The following HAVCR1 variants were observed in gnomAD, a reference collection of about 807,000 sequenced individuals.
The protein encoded by HAVCR1 is T cell immunoglobin domain and mucin domain protein 1.
Under a neutral mutation model 32.0 loss-of-function variants are expected in HAVCR1, and 34 were observed. That is an observed-to-expected ratio of 1.06 (90% CI 0.81 to 1.42). The LOEUF (loss-of-function observed/expected upper bound fraction) is 1.42. Ranked by LOEUF, HAVCR1 falls within the 40% of genes most tolerant of loss-of-function variation. HAVCR1 has a pLI of 0.00. For synonymous variants in HAVCR1, 178 were observed against 170.3 expected (o/e 1.05, Z -0.35); for missense variants, 420 against 442.3 (o/e 0.95, Z 0.45).
chr5:157,057,449 AAGAAAGAAAGAAAG>A (rs1260328476), intron 2 of HAVCR1, among the ~76,000 whole-genome samples: 4 of 114,964 alleles, frequency 3.5e-5, no homozygotes, highest in East Asian at 2.5e-4. Context: ...GAAAGAAAGA[AAGAAAGAAAGAAAG>A]AGAATTGAAT....
At chr5:157,038,591 A>C (rs1443273452) in intron 6 of HAVCR1, among the ~76,000 whole-genome samples, 8 of 152,168 alleles carry the variant, frequency 5.3e-5, no homozygotes, top group African/African-American at 1.9e-4. Flanking sequence ...CCTGATAAAC[A>C]CTATGAATAT....
chr5:157,040,952 T>G (rs1754854254), intron 6 of HAVCR1, among the ~76,000 whole-genome samples: 1 of 152,152 alleles, frequency 6.6e-6, no homozygotes, highest in African/African-American at 2.4e-5. Flanking sequence ...AGAAGGATTA[T>G]TCTCATAACC....
chr5:157,068,970 A>G, the HAVCR1 span, among the ~76,000 whole-genome samples: 1 of 152,160 alleles, frequency 6.6e-6, no homozygotes, highest in Non-Finnish European at 1.5e-5. Context: ...ACACATTTCC[A>G]TATTATTACA....
intron 5 of HAVCR1, among the ~76,000 whole-genome samples, chr5:157,044,615 G>GAAAGAAAGAGAAAGAAAGAAAGAAAGAA (rs760337335): frequency 3.8e-5 from 2 of 52,656 alleles, no homozygotes; most frequent in Non-Finnish European, 7.8e-5. Flanking sequence ...AAGAAAGAAA[G>GAAAGAAAGAGAAAGAAAGAAAGAAAGAA]AGAAAGAAAG....
chr5:157,043,795 AT>A (rs1755062887), intron 5 of HAVCR1, among the ~76,000 whole-genome samples: 1 of 152,172 alleles, frequency 6.6e-6, no homozygotes, highest in Admixed American at 6.5e-5. Flanking sequence ...CCTTAATCCC[AT>A]TTTTATGGAT....
chr5:157,031,562 G>A (rs915990627), intron 8 of HAVCR1, among the ~76,000 whole-genome samples: 13 of 152,122 alleles, frequency 8.5e-5, no homozygotes, highest in East Asian at 1.9e-4. Flanking sequence ...GGTCCCTCAC[G>A]CCTATAATCC....
At chr5:157,056,396 T>TC (rs1756146778) in intron 2 of HAVCR1, among the ~76,000 whole-genome samples, 1 of 151,766 alleles carries the variant, frequency 6.6e-6, no homozygotes, top group African/African-American at 2.4e-5. Flanking sequence ...TTTTTTTTTT[T>TC]TGAGACAGAG....
At chr5:157,063,973 G>T (rs1184468549), upstream of HAVCR1, among the ~76,000 whole-genome samples, 1 of 152,222 alleles carries the variant, frequency 6.6e-6, no homozygotes, top group Non-Finnish European at 1.5e-5. Flanking sequence ...GAGGGACAGG[G>T]ATCACAGAGG....
intron 5 of HAVCR1, among the ~76,000 whole-genome samples, chr5:157,044,481 AAGGAAGGAAGGAAGGAAGGAAGGAAGG>A (rs1204429431): frequency 1.7e-5 from 1 of 57,158 alleles, no homozygotes; most frequent in Non-Finnish European, 3.5e-5. Flanking sequence ...GGAAGGAAGG[AAGGAAGGAAGGAAGGAAGGAAGGAAGG>A]AGGAAGGAAG....
intron 7 of HAVCR1, among the ~76,000 whole-genome samples, chr5:157,035,450 C>T (rs1307881466): frequency 6.6e-6 from 1 of 151,594 alleles, no homozygotes; most frequent in African/African-American, 2.4e-5. Flanking sequence ...CTGAGACAAA[C>T]ACACACACAC....
At chr5:157,066,806 G>C in the HAVCR1 span, among the ~76,000 whole-genome samples, 54 of 152,290 alleles carry the variant, frequency 3.5e-4, no homozygotes, top group African/African-American at 1.2e-3. Flanking sequence ...AGCAGTAAGG[G>C]CCGGGCACGG....
At position 157,044,468 on chromosome 5, in the gene HAVCR1, AAAGGAAGG is replaced by A. The variant is rs201451883; in HGVS notation, c.782-1794_782-1787del. On this transcript the variant is annotated intron_variant, in intron 5 of 8. Transcript: ENST00000523175. Reference sequence around the variant, plus strand: ...GAAAGAAAGAAAGAAAGAAAGAAAGAAAGGAAGGAAGGAAGGAAGGAAGGAAGGAAGGA... The same window carrying A: ...GAAAGAAAGAAAGAAAGAAAGAAAGAAAGGAAGGAAGGAAGGAAGGAAGGA... 1.0e-3 allele frequency among the ~76,000 whole-genome samples: 64 copies of A among 62,968 alleles called. 1 individual carries two copies. Among genetic ancestry groups the A allele is most frequent in the African/African-American group, 3.4e-3 (47 of 13,680 alleles). The allele number at this position is 62,968 out of a possible 152,430, so 41.3% of individuals were successfully genotyped here.
At chr5:157,030,029 G>T (rs1453712745) in intron 8 of HAVCR1, among the ~76,000 whole-genome samples, 188 bp from the exon 9 acceptor site, 1 of 152,070 alleles carries the variant, frequency 6.6e-6, no homozygotes, top group South Asian at 2.1e-4. Flanking sequence ...TTATTATTAA[G>T]TTGAAGAAAA....
At chr5:157,068,189 G>A in the HAVCR1 span, among the ~76,000 whole-genome samples, 1 of 152,102 alleles carries the variant, frequency 6.6e-6, no homozygotes, top group South Asian at 2.1e-4. Context: ...CAGGAGAATT[G>A]CTTGAACTTG....
intron 5 of HAVCR1, among the ~76,000 whole-genome samples, chr5:157,044,455 GAAA>G: frequency 3.5e-5 from 2 of 57,344 alleles, no homozygotes; most frequent in African/African-American, 1.8e-4. Context: ...AAGAAAGAAA[GAAA>G]GAAAGAAAGA....
At chr5:157,036,900 T>A (rs984758777) in intron 7 of HAVCR1, among the ~76,000 whole-genome samples, 1 of 149,968 alleles carries the variant, frequency 6.7e-6, no homozygotes, top group African/African-American at 2.5e-5. Flanking sequence ...TTGTTTTTGT[T>A]TTTTTTTAAG....
chr5:157,048,703 G>A (rs932829705), intron 5 of HAVCR1, among the ~76,000 whole-genome samples: 24 of 152,150 alleles, frequency 1.6e-4, no homozygotes, highest in African/African-American at 3.6e-4. Flanking sequence ...GGTGGCGGGC[G>A]CCTGTAGTCC....
chr5:157,039,522 T>C (rs1754737214), intron 6 of HAVCR1, among the ~76,000 whole-genome samples: 1 of 152,146 alleles, frequency 6.6e-6, no homozygotes, highest in South Asian at 2.1e-4. Flanking sequence ...CTAATTTTTC[T>C]ATTTTTAGTA....
rs188551881 is a variant in HAVCR1 at position 157,029,796 on chromosome 5, A to G, written c.1032T>C (p.Val344=). ...SLQIKALQNA[V]EKEVQAEDNI... is the part of the protein sequence containing the mutation. Reference sequence around the variant, plus strand: ...TGTCTTCTGCTTGGACTTCCTTTTCAACTGCATTTTGCAAAGCTTTAATTT... The same window carrying G: ...TGTCTTCTGCTTGGACTTCCTTTTCGACTGCATTTTGCAAAGCTTTAATTT... The change falls in exon 9 of 9, where the codon GTT becomes GTC. Residue 344 remains valine, a synonymous_variant. Coordinates refer to ENST00000523175, the MANE Select transcript of HAVCR1 (RefSeq NM_001173393.3). 33 of 1,612,294 alleles carry G rather than the reference A, an allele frequency of 2.0e-5. No homozygotes were observed. The highest frequency in any genetic ancestry group is 4.0e-5 in the African/African-American group (3 of 74,732).
Sources: gnomAD v4.1 joint callset for allele counts (sites outside exome capture counted in the v4.1 genomes callset) on GRCh38, gnomAD v4.1.1 for gene constraint, MANE v1.5 for transcripts, NCBI Gene and HGNC (gene_info 2026-07-23, HGNC 2026-07-21) for gene names.